Variants in GPRC5B observed in about 807,000 individuals in gnomAD.
The protein encoded by GPRC5B is G protein-coupled receptor family C group 5 member B.
GPRC5B carries 16 observed loss-of-function variants against 30.1 expected under a neutral mutation model. That is an observed-to-expected ratio of 0.53 (90% CI 0.36 to 0.81). GPRC5B has a LOEUF of 0.81. Among genes scored for constraint, GPRC5B ranks in the 30% least tolerant of loss-of-function variants. The pLI is 0.01. For missense variants in GPRC5B, 428 were observed against 544.7 expected (o/e 0.79, Z 2.13); for synonymous variants, 241 against 239.5 (o/e 1.01, Z -0.06).
chr16:19,872,730 A>G lies in GPRC5B; in HGVS notation c.116T>C (p.Leu39Pro). ...ENASTSRGCG[L>P]DLLPQYVSLC... ...GGACACGTACTGAGGGAGGAGGTCC[A>G]GCCCACAGCCTCGGGATGTGCTGGC... The change falls in exon 2 of 4, where the codon CTG (leucine) becomes CCG (proline). Residue 39 changes from leucine to proline, a missense_variant. Leu to Pro is a moderately conservative substitution (Grantham distance 98). Coordinates refer to ENST00000300571, the MANE Select transcript of GPRC5B (RefSeq NM_016235.3). The surrounding 1 kb of genome is among the most constrained non-coding windows in gnomAD (Gnocchi z 5.0). The G allele has an allele frequency of 6.2e-7, 1 of 1,613,878 alleles. No homozygotes were observed. The highest frequency in any genetic ancestry group is 8.5e-7 in the Non-Finnish European group (1 of 1,180,030).
chr16:19,859,970 C>T lies in GPRC5B; in HGVS notation c.*530G>A, dbSNP rs1370647280. On this transcript the variant is annotated 3_prime_UTR_variant, in exon 4 of 4. Coordinates refer to ENST00000300571, the MANE Select transcript of GPRC5B (RefSeq NM_016235.3). Reference sequence around the variant, plus strand: ...ACCTTGGAATCCCACCCACAACCTCCTTAACTCTCCTGACCCCCCTGAAAT... The same window carrying T: ...ACCTTGGAATCCCACCCACAACCTCTTTAACTCTCCTGACCCCCCTGAAAT... 2 of 153,620 alleles carry T rather than the reference C, an allele frequency of 1.3e-5. No individual in the cohort carries two copies. The highest frequency in any genetic ancestry group is 4.8e-5 in the African/African-American group (2 of 41,472). The allele number at this position is 153,620 out of a possible 1,614,324, so 9.5% of individuals were successfully genotyped here. A position where few individuals can be genotyped will look rare whatever the true frequency, so the allele number is the denominator to read the frequency against.
upstream of GPRC5B, chr16:19,885,016 T>A: frequency 1.8e-5 from 10 of 549,542 alleles, no homozygotes; most frequent in Non-Finnish European, 2.5e-5. This position sits in a 1 kb window ranked among gnomAD's most constrained non-coding sequence, Gnocchi z 5.3. Context: ...GCCGTCTGCA[T>A]GCACCCCCGG....
At chr16:19,885,140 G>A (rs1045172981), upstream of GPRC5B, 4 of 1,148,278 alleles carry the variant, frequency 3.5e-6, no homozygotes, top group Non-Finnish European at 3.5e-6. This position sits in a 1 kb window ranked among gnomAD's most constrained non-coding sequence, Gnocchi z 5.3. Context: ...CAGTCCAGAC[G>A]AGCCGGGCAA....
chr16:19,869,493 C>T (rs923772967), intron 2 of GPRC5B, among the ~76,000 whole-genome samples: 11 of 152,000 alleles, frequency 7.2e-5, no homozygotes, highest in African/African-American at 2.4e-4. Flanking sequence ...ATCTCAAGTG[C>T]TGGGACCCTG....
upstream of GPRC5B, chr16:19,884,955 G>T: frequency 1.2e-6 from 1 of 848,506 alleles, no homozygotes. Flanking sequence ...CCGCCCCCGG[G>T]CCTCCGAGCC....
rs2056651117 is a variant in GPRC5B, at chr16:19,864,461, C to A, written c.1031-2488G>T. Among the ~76,000 whole-genome samples the A allele has an allele frequency of 5.3e-5, 8 of 152,364 alleles. No homozygotes were observed. The South Asian group carries it at 1.4e-3, about 28-fold the overall frequency. ...TCACATACCTTATGCCTTGTTGATACTTACTAATAAGCAGCAGGTGGGTGA... is the reference window on the plus strand; with the variant it reads ...TCACATACCTTATGCCTTGTTGATAATTACTAATAAGCAGCAGGTGGGTGA... On this transcript the variant is annotated intron_variant, in intron 2 of 3. Transcript: ENST00000300571.
At position 19,871,977 on chromosome 16, in the gene GPRC5B, G is replaced by A. The variant is rs755812515; in HGVS notation, c.869C>T (p.Pro290Leu). ...GWVFVIFHAI[P>L]EIHCTLLPAL... is the part of the protein sequence containing the mutation. ...TGGCAGAAGGGTGCAGTGGATCTCA[G>A]GGATGGCGTGGAAGATGACGAAGAC... Residue 290 changes from proline to leucine, a missense_variant, in exon 2 of 4, where the codon CCT (proline) becomes CTT (leucine). This residue lies in a region of GPRC5B where 213 missense variants were observed against 229.1 expected (regional missense o/e 0.93). Coordinates refer to ENST00000300571, the MANE Select transcript of GPRC5B (RefSeq NM_016235.3). 2 of 1,614,130 alleles carry A rather than the reference G, an allele frequency of 1.2e-6. No individual in the cohort carries two copies. The highest frequency in any genetic ancestry group is 1.7e-6 in the Non-Finnish European group (2 of 1,180,028).
intron 2 of GPRC5B, among the ~76,000 whole-genome samples, chr16:19,863,571 C>T (rs1705793355): frequency 6.8e-6 from 1 of 148,030 alleles, no homozygotes; most frequent in Non-Finnish European, 1.5e-5. Context: ...AATCTCGGCT[C>T]ACTGCAACCT....
At chr16:19,877,179 A>G (rs2056765157) in intron 1 of GPRC5B, among the ~76,000 whole-genome samples, 1 of 152,220 alleles carries the variant, frequency 6.6e-6, no homozygotes, top group Admixed American at 6.5e-5. Flanking sequence ...AATACACTGA[A>G]TGGCTGGATT....
Position 19,858,168 on chromosome 16 carries a change from T to C in GPRC5B, c.*2332A>G. The C allele has an allele frequency of 4.1e-6, 1 of 244,598 alleles. No homozygotes were observed. The highest frequency in any genetic ancestry group is 7.8e-6 in the Non-Finnish European group (1 of 128,704). The allele number at this position is 244,598 out of a possible 1,614,324, so 15.2% of individuals were successfully genotyped here. Reference sequence around the variant, plus strand: ...GTCTCTTGGCAAAGATGTCTCTTGATACTTTTCAGGTGTAGTCATTAGAAA... The same window carrying C: ...GTCTCTTGGCAAAGATGTCTCTTGACACTTTTCAGGTGTAGTCATTAGAAA... On this transcript the variant is annotated 3_prime_UTR_variant, in exon 4 of 4. Transcript: ENST00000300571.
At chr16:19,885,272 G>C (rs1288531619), upstream of GPRC5B, 7 of 1,283,378 alleles carry the variant, frequency 5.5e-6, no homozygotes, top group African/African-American at 1.5e-5. This position sits in a 1 kb window ranked among gnomAD's most constrained non-coding sequence, Gnocchi z 5.3. Context: ...GCTCCAAGGG[G>C]GGTTCATAAG....
At chr16:19,883,165 G>A (rs9936083) in intron 1 of GPRC5B, among the ~76,000 whole-genome samples, 2,999 of 152,220 alleles carry the variant, frequency 0.02, 99 homozygotes, top group African/African-American at 0.068. Flanking sequence ...TTTATACAAG[G>A]CACCCAGTTC....
At chr16:19,864,644 T>C (rs899721292) in intron 2 of GPRC5B, among the ~76,000 whole-genome samples, 2 of 152,220 alleles carry the variant, frequency 1.3e-5, no homozygotes, top group South Asian at 4.1e-4. Flanking sequence ...AAGGCTAAAA[T>C]GCAAGAGAAA....
Position 19,872,057 on chromosome 16 carries a change from CT to C in GPRC5B, c.788del (p.Gln263ArgfsTer145). 6.2e-7 allele frequency: 1 copy of C among 1,614,080 alleles called. No individual in the cohort carries two copies. Among genetic ancestry groups the C allele is most frequent in the East Asian group, 2.2e-5 (1 of 44,862 alleles). On this transcript the variant is annotated frameshift_variant, in exon 2 of 4. Transcript: ENST00000300571. LOFTEE classifies it high-confidence loss of function. This position sits in a 1 kb window ranked among gnomAD's most constrained non-coding sequence, Gnocchi z 5.0. ...AGGTGGGGTCGTTCCAGGCATCCCC[CT>C]GCTGCAGCTTGACATTGCCGAAGAG... ...MYLFGNVKLQ[Q>X]GDAWNDPTLA...
chr16:19,880,726 G>A (rs537459424), intron 1 of GPRC5B, among the ~76,000 whole-genome samples: 1 of 152,352 alleles, frequency 6.6e-6, no homozygotes, highest in Admixed American at 6.5e-5. Flanking sequence ...TGCGGAGTCA[G>A]ACCCAGGACA....
chr16:19,885,259 C>T, upstream of GPRC5B: 1 of 1,287,352 alleles, frequency 7.8e-7, no homozygotes, highest in Non-Finnish European at 1.0e-6. The surrounding 1 kb of genome is among the most constrained non-coding windows in gnomAD (Gnocchi z 5.3). Context: ...GCCCCCAGGC[C>T]ACGCTCCAAG....
At chr16:19,885,060 G>A (rs1203783250), upstream of GPRC5B, 1 of 709,324 alleles carries the variant, frequency 1.4e-6, no homozygotes, top group Non-Finnish European at 2.1e-6. The surrounding 1 kb of genome is among the most constrained non-coding windows in gnomAD (Gnocchi z 5.3). Flanking sequence ...CCGGATCTCA[G>A]AGACGATTCC....
At chr16:19,861,088 A>T (rs79219378) in intron 3 of GPRC5B, among the ~76,000 whole-genome samples, 86 of 37,222 alleles carry the variant, frequency 2.3e-3, no homozygotes, top group East Asian at 0.019. Context: ...TGATTTACAT[A>T]AAAAAAAAAA....
chr16:19,866,758 A>C (rs1329511218), intron 2 of GPRC5B, among the ~76,000 whole-genome samples: 1 of 152,130 alleles, frequency 6.6e-6, no homozygotes, highest in Non-Finnish European at 1.5e-5. Flanking sequence ...ACCAAGAAGG[A>C]GTAATAAATA....
Sources: gnomAD v4.1 joint callset for allele counts (sites outside exome capture counted in the v4.1 genomes callset) on GRCh38, gnomAD v4.1.1 for gene constraint, gnomAD v4.1.1 regional missense constraint, Gnocchi (gnomAD v3.1) non-coding constraint, MANE v1.5 for transcripts, NCBI Gene and HGNC (gene_info 2026-07-23, HGNC 2026-07-21) for gene names.